Variants in ZNF385D observed in about 807,000 individuals in gnomAD.
ZNF385D encodes the protein zinc finger protein 385D, also known as zinc finger protein 659.
A neutral mutation model predicts 35.8 loss-of-function variants in ZNF385D; 15 were observed. That is an observed-to-expected ratio of 0.42 (90% CI 0.28 to 0.64). The LOEUF is 0.64. ZNF385D is among the 30% of genes least tolerant of loss of function. The pLI is 0.23. For synonymous variants in ZNF385D, 212 were observed against 186.8 expected, an observed-to-expected ratio of 1.13 and a Z score of -1.10; for missense variants, 474 against 494.6, an observed-to-expected ratio of 0.96 and a Z score of 0.39.
intron 1 of ZNF385D, among the ~76,000 whole-genome samples, chr3:21,691,123 C>T (rs1013232061): frequency 2.6e-5 from 4 of 151,770 alleles, no homozygotes; most frequent in Non-Finnish European, 5.9e-5. Context: ...GTCAGGAGTA[C>T]CCTCAATTCC....
intron 3 of ZNF385D, among the ~76,000 whole-genome samples, chr3:21,936,990 A>T (rs1701292614): frequency 6.6e-6 from 1 of 152,150 alleles, no homozygotes; most frequent in Non-Finnish European, 1.5e-5. Context: ...ATATTTATGG[A>T]TATAAAAGGT....
At chr3:22,015,380 A>G (rs556801054) in intron 3 of ZNF385D, among the ~76,000 whole-genome samples, 1 of 152,290 alleles carries the variant, frequency 6.6e-6, no homozygotes, top group East Asian at 1.9e-4. Context: ...TCATATCATG[A>G]ACACCTAAGT....
At chr3:22,309,588 G>C in intron 2 of ZNF385D, among the ~76,000 whole-genome samples, 1 of 151,880 alleles carries the variant, frequency 6.6e-6, no homozygotes, top group Non-Finnish European at 1.5e-5. Context: ...AACATGGCCA[G>C]GTCTAGAACA....
intron 3 of ZNF385D, among the ~76,000 whole-genome samples, chr3:21,950,565 T>A (rs1325284125): frequency 6.6e-6 from 1 of 151,802 alleles, no homozygotes; most frequent in Non-Finnish European, 1.5e-5. Context: ...ATCCCATTTG[T>A]CTATTTTGGC....
At chr3:21,524,387 C>T (rs559666115) in intron 3 of ZNF385D, among the ~76,000 whole-genome samples, 1 of 152,306 alleles carries the variant, frequency 6.6e-6, no homozygotes, top group East Asian at 1.9e-4. Flanking sequence ...AATGAGTGAA[C>T]TAAGACTCCA....
At chr3:22,131,752 C>T (rs1703808100) in intron 3 of ZNF385D, among the ~76,000 whole-genome samples, 1 of 152,132 alleles carries the variant, frequency 6.6e-6, no homozygotes, top group African/African-American at 2.4e-5. Flanking sequence ...ATGTTGATCG[C>T]TTCTACTTTT....
chr3:21,967,355 A>G (rs1025281527), intron 3 of ZNF385D, among the ~76,000 whole-genome samples: 1 of 152,196 alleles, frequency 6.6e-6, no homozygotes, highest in African/African-American at 2.4e-5. Flanking sequence ...CCACTTAAGC[A>G]TTTATTTTAA....
intron 3 of ZNF385D, among the ~76,000 whole-genome samples, chr3:22,081,391 A>T (rs1269579060): frequency 6.6e-6 from 1 of 152,224 alleles, no homozygotes; most frequent in Non-Finnish European, 1.5e-5. Context: ...AAAAAGATCC[A>T]AATTATCTAA....
At chr3:22,026,289 G>T (rs1329979607) in intron 3 of ZNF385D, among the ~76,000 whole-genome samples, 1 of 152,104 alleles carries the variant, frequency 6.6e-6, no homozygotes, top group East Asian at 1.9e-4. Context: ...CTTGAATGAA[G>T]GGGAGGCCAG....
At chr3:21,877,591 A>C (rs774725513) in intron 3 of ZNF385D, among the ~76,000 whole-genome samples, 2 of 152,100 alleles carry the variant, frequency 1.3e-5, no homozygotes, top group Non-Finnish European at 2.9e-5. Flanking sequence ...AGGAAAACAC[A>C]GCTGTGCTGT....
At chr3:22,324,266 T>C (rs1694574224) in intron 2 of ZNF385D, among the ~76,000 whole-genome samples, 1 of 152,100 alleles carries the variant, frequency 6.6e-6, no homozygotes, top group South Asian at 2.1e-4. Flanking sequence ...TGTATAAATG[T>C]TTGAATTTAA....
chr3:22,199,433 C>G (rs1353725699), intron 2 of ZNF385D, among the ~76,000 whole-genome samples: 1 of 151,996 alleles, frequency 6.6e-6, no homozygotes, highest in Admixed American at 6.6e-5. Context: ...AGTGTTTGCC[C>G]CTGCAAAACA....
At chr3:22,007,751 G>C (rs1227707454) in intron 3 of ZNF385D, among the ~76,000 whole-genome samples, 2 of 151,932 alleles carry the variant, frequency 1.3e-5, no homozygotes, top group Non-Finnish European at 2.9e-5. Context: ...ATCATCACTT[G>C]TATAAGAGCC....
chr3:21,725,980 C>T (rs531303313), intron 1 of ZNF385D, among the ~76,000 whole-genome samples: 3 of 152,212 alleles, frequency 2.0e-5, no homozygotes, highest in African/African-American at 7.2e-5. Flanking sequence ...TTATCCACTA[C>T]GATCAAGTCG....
chr3:21,583,022 T>A (rs972187732), intron 2 of ZNF385D, among the ~76,000 whole-genome samples: 2 of 152,102 alleles, frequency 1.3e-5, no homozygotes, highest in African/African-American at 2.4e-5. Flanking sequence ...CTCCTCGGCC[T>A]CCCAAAGTGC....
At chr3:21,763,195 G>A (rs1050786796) in intron 3 of ZNF385D, among the ~76,000 whole-genome samples, 2 of 152,044 alleles carry the variant, frequency 1.3e-5, no homozygotes, top group African/African-American at 2.4e-5. Flanking sequence ...ATTAGTCTGA[G>A]GAAAGAAAAA....
At chr3:22,163,101 T>C (rs1457049044) in intron 3 of ZNF385D, among the ~76,000 whole-genome samples, 2 of 152,144 alleles carry the variant, frequency 1.3e-5, no homozygotes, top group East Asian at 1.9e-4. Context: ...TACCTCAGCA[T>C]TGACTAGCCA....
At chr3:22,074,843 C>T (rs75107082) in intron 3 of ZNF385D, among the ~76,000 whole-genome samples, 19 of 151,936 alleles carry the variant, frequency 1.3e-4, no homozygotes, top group Non-Finnish European at 2.7e-4. Context: ...AACTCTGGAA[C>T]CCTTCCCTTT....
intron 3 of ZNF385D, among the ~76,000 whole-genome samples, chr3:21,803,174 C>T (rs796209948): frequency 6.6e-6 from 1 of 152,098 alleles, no homozygotes; most frequent in South Asian, 2.1e-4. Context: ...GTCAGTAAAG[C>T]AGCTCCAGGA....
Sources: gnomAD v4.1 joint callset for allele counts (sites outside exome capture counted in the v4.1 genomes callset) on GRCh38, gnomAD v4.1.1 for gene constraint, MANE v1.5 for transcripts, NCBI Gene and HGNC (gene_info 2026-07-23, HGNC 2026-07-21) for gene names.